Variants in FRMPD4 observed in about 807,000 individuals in gnomAD.
FRMPD4 encodes the protein FERM and PDZ domain containing 4.
In FRMPD4, 22 loss-of-function variants were observed where a neutral mutation model predicts 94.1. That is an observed-to-expected ratio of 0.23 (90% CI 0.17 to 0.33). The LOEUF (loss-of-function observed/expected upper bound fraction) is 0.33. Ranked by LOEUF, FRMPD4 falls within the 10% of genes least tolerant of loss-of-function variation. The pLI, the probability that FRMPD4 is intolerant of heterozygous loss-of-function variation, is 1.00. For missense variants in FRMPD4, 1,111 were observed against 1,339.9 expected (o/e 0.83, Z 2.67); for synonymous variants, 631 against 548.6 (o/e 1.15, Z -2.10).
At chrX:12,701,438 G>C (rs776013002) in intron 9 of FRMPD4, among the ~76,000 whole-genome samples, 2 of 110,862 alleles carry the variant, frequency 1.8e-5, no homozygotes, top group South Asian at 7.7e-4. Context: ...AGAGAAAACT[G>C]AGGCACAGAC....
intron 1 of FRMPD4, among the ~76,000 whole-genome samples, chrX:12,288,406 T>C (rs2054632317): frequency 9.0e-6 from 1 of 111,644 alleles, no homozygotes; most frequent in Admixed American, 9.5e-5. Flanking sequence ...TTTTCTTTTC[T>C]AAAGCAACAA....
At chrX:12,453,659 T>G (rs1216172065) in intron 1 of FRMPD4, among the ~76,000 whole-genome samples, 2 of 111,877 alleles carry the variant, frequency 1.8e-5, no homozygotes, top group Admixed American at 9.5e-5. Context: ...TCACACTATA[T>G]TCTATCGTTT....
In FRMPD4 at chrX:11,921,908, C is replaced by T. The variant is rs143523875; in HGVS notation, c.95+43890C>T. Among the ~76,000 whole-genome samples, 77 of 111,700 alleles carry T rather than the reference C, an allele frequency of 6.9e-4. 2 individuals carry two copies. In the East Asian group the frequency reaches 0.02, roughly 29 times the overall value. On this transcript the variant is annotated intron_variant, in intron 3 of 18. Coordinates refer to the FRMPD4 transcript ENST00000640291. ...CAGGTTAGGTATCTCTCCTTTTTGT[C>T]TGTCTTTCTCAATAGTAATTTAGAA...
At chrX:12,155,944 T>A (rs1020278318) in intron 1 of FRMPD4, among the ~76,000 whole-genome samples, 2 of 112,070 alleles carry the variant, frequency 1.8e-5, no homozygotes, top group Non-Finnish European at 3.8e-5. Flanking sequence ...AATTACTGAG[T>A]TGAGTAGTTG....
intron 1 of FRMPD4, among the ~76,000 whole-genome samples, chrX:12,139,717 T>C (rs945919794): frequency 8.9e-5 from 10 of 112,052 alleles, no homozygotes; most frequent in African/African-American, 3.2e-4. Flanking sequence ...AGGTGTTGCC[T>C]GGCCAGAGCA....
At chrX:12,170,809 C>G (rs371846264) in intron 1 of FRMPD4, among the ~76,000 whole-genome samples, 2 of 112,907 alleles carry the variant, frequency 1.8e-5, no homozygotes, top group Non-Finnish European at 3.7e-5. Context: ...TAACTCATCT[C>G]TCTCCTCTTT....
At chrX:12,079,950 T>G (rs2055049214) in intron 3 of FRMPD4, among the ~76,000 whole-genome samples, 1 of 112,870 alleles carries the variant, frequency 8.9e-6, no homozygotes. Flanking sequence ...TACATCTTAA[T>G]GTGCCATTTG....
At chrX:12,652,277 T>C (rs970239355) in intron 4 of FRMPD4, among the ~76,000 whole-genome samples, 1 of 112,619 alleles carries the variant, frequency 8.9e-6, no homozygotes, top group South Asian at 3.7e-4. Flanking sequence ...TGCTATTAGA[T>C]AGGGCTGTAT....
At chrX:12,108,370 T>C (rs760372632) in intron 3 of FRMPD4, among the ~76,000 whole-genome samples, 47 of 111,512 alleles carry the variant, frequency 4.2e-4, no homozygotes, top group African/African-American at 1.4e-3. Flanking sequence ...GACAAGCAAA[T>C]GTTGAGAGAT....
chrX:12,278,233 A>G (rs2054471749), intron 1 of FRMPD4, among the ~76,000 whole-genome samples: 1 of 112,440 alleles, frequency 8.9e-6, no homozygotes, highest in African/African-American at 3.2e-5. Context: ...CAAAAAAGTC[A>G]GAAGAAGTAC....
intron 3 of FRMPD4, among the ~76,000 whole-genome samples, chrX:11,929,219 T>A (rs1386885137): frequency 8.9e-6 from 1 of 112,202 alleles, no homozygotes; most frequent in Non-Finnish European, 1.9e-5. Flanking sequence ...AGTTTACCTA[T>A]CTAACAATCC....
At chrX:12,043,155 C>G (rs1452079678) in intron 3 of FRMPD4, among the ~76,000 whole-genome samples, 2 of 111,274 alleles carry the variant, frequency 1.8e-5, no homozygotes, top group Non-Finnish European at 3.8e-5. Flanking sequence ...TTTTTCCTAG[C>G]TTTATATATG....
At chrX:12,079,177 T>C (rs1202614847) in intron 3 of FRMPD4, among the ~76,000 whole-genome samples, 1 of 110,733 alleles carries the variant, frequency 9.0e-6, no homozygotes, top group African/African-American at 3.3e-5. Context: ...ATCTGTAAAA[T>C]ATGTATATTT....
intron 3 of FRMPD4, among the ~76,000 whole-genome samples, chrX:12,107,545 T>C (rs1373417478): frequency 8.9e-6 from 1 of 112,092 alleles, no homozygotes; most frequent in Non-Finnish European, 1.9e-5. Context: ...CAAAGTTGGA[T>C]GGAGAATGAC....
intron 3 of FRMPD4, among the ~76,000 whole-genome samples, chrX:12,084,520 G>C (rs1297209546): frequency 8.9e-6 from 1 of 111,960 alleles, no homozygotes; most frequent in Non-Finnish European, 1.9e-5. Context: ...AGGAGTGATG[G>C]AGAATTTCTG....
intron 1 of FRMPD4, among the ~76,000 whole-genome samples, chrX:12,286,615 T>C (rs1181051823): frequency 1.8e-5 from 2 of 112,313 alleles, no homozygotes; most frequent in Non-Finnish European, 3.8e-5. Flanking sequence ...TTGTGCCTTA[T>C]GAAGGATTTC....
intron 1 of FRMPD4, among the ~76,000 whole-genome samples, chrX:12,373,446 T>C (rs1334127851): frequency 8.9e-6 from 1 of 111,916 alleles, no homozygotes; most frequent in Non-Finnish European, 1.9e-5. Flanking sequence ...TTTAAAAACC[T>C]CAATCCCAGA....
intron 1 of FRMPD4, among the ~76,000 whole-genome samples, chrX:12,379,170 A>G (rs1020791574): frequency 8.9e-6 from 1 of 112,284 alleles, no homozygotes; most frequent in East Asian, 2.8e-4. Flanking sequence ...GAAATTTAGT[A>G]CCATCTTTTG....
At chrX:11,854,630 G>A (rs1460085558) in intron 1 of FRMPD4, among the ~76,000 whole-genome samples, 1 of 112,520 alleles carries the variant, frequency 8.9e-6, no homozygotes, top group Non-Finnish European at 1.9e-5. Flanking sequence ...GAAATCTAAT[G>A]GGGCAGTCAT....
Sources: allele counts gnomAD v4.1 joint callset (sites outside exome capture counted in the v4.1 genomes callset), GRCh38; gene constraint gnomAD v4.1.1; transcripts MANE v1.5; gene names NCBI Gene and HGNC (gene_info 2026-07-23, HGNC 2026-07-21).